Variants in KDM4C observed in about 807,000 individuals in gnomAD.
The protein encoded by KDM4C is lysine-specific demethylase 4C.
In KDM4C, 81 loss-of-function variants were observed where a neutral mutation model predicts 129.3. That is an observed-to-expected ratio of 0.63 (90% CI 0.52 to 0.75). The LOEUF is 0.75. Ranked by LOEUF, KDM4C falls within the 30% of genes least tolerant of loss-of-function variation. The pLI is 0.00. For missense variants in KDM4C, 1,457 were observed against 1,304.0 expected (o/e 1.12, Z -1.81); for synonymous variants, 573 against 456.1 (o/e 1.26, Z -3.26).
At chr9:6,761,601 T>C (rs537777657) in intron 1 of KDM4C, among the ~76,000 whole-genome samples, 24 of 152,308 alleles carry the variant, frequency 1.6e-4, no homozygotes, top group African/African-American at 5.5e-4. Context: ...ATGACAGGCG[T>C]GAGCCACTGC....
At chr9:7,019,697 TAA>T (rs746247641) in intron 15 of KDM4C, among the ~76,000 whole-genome samples, 11,885 of 128,234 alleles carry the variant, frequency 0.093, 1,151 homozygotes, top group East Asian at 0.18. Context: ...TATAAAAATA[TAA>T]TATTTTTATA....
At chr9:6,898,377 A>C (rs1037070163) in intron 8 of KDM4C, among the ~76,000 whole-genome samples, 9 of 152,098 alleles carry the variant, frequency 5.9e-5, no homozygotes, top group African/African-American at 2.2e-4. Context: ...TATTTATTAC[A>C]GTGTGTGCAG....
intron 8 of KDM4C, among the ~76,000 whole-genome samples, chr9:6,935,290 TATAATC>T (rs1376434167): frequency 2.0e-5 from 3 of 152,196 alleles, no homozygotes; most frequent in Admixed American, 2.0e-4. Context: ...ATTCTATAAT[TATAATC>T]ATATTATTTT....
intron 5 of KDM4C, among the ~76,000 whole-genome samples, chr9:6,864,280 C>A (rs1323790350): frequency 6.6e-6 from 1 of 152,122 alleles, no homozygotes; most frequent in African/African-American, 2.4e-5. Flanking sequence ...TTTCAGTATT[C>A]TTGGATGACA....
At chr9:7,035,228 G>C (rs1199202941) in intron 15 of KDM4C, among the ~76,000 whole-genome samples, 1 of 150,128 alleles carries the variant, frequency 6.7e-6, no homozygotes, top group Non-Finnish European at 1.5e-5. Context: ...TGCCCAGGCT[G>C]GTCTTGAACT....
intron 17 of KDM4C, among the ~76,000 whole-genome samples, chr9:7,101,626 G>T (rs1334041520): frequency 4.6e-5 from 7 of 152,178 alleles, no homozygotes; most frequent in Non-Finnish European, 8.8e-5. Context: ...CCCTCCTTAG[G>T]TTCCAAAGAT....
At chr9:6,793,853 T>TA (rs1827231047) in intron 2 of KDM4C, among the ~76,000 whole-genome samples, 1 of 152,130 alleles carries the variant, frequency 6.6e-6, no homozygotes, top group African/African-American at 2.4e-5. Context: ...TCTTTTTTTT[T>TA]ATATAACACT....
chr9:7,165,434 G>A, intron 20 of KDM4C, 77 bp downstream of exon 20: 1 of 1,498,276 alleles, frequency 6.7e-7, no homozygotes, highest in Non-Finnish European at 9.1e-7. Context: ...CAAGTGTGCT[G>A]CTGAACAATA....
intron 3 of KDM4C, among the ~76,000 whole-genome samples, chr9:6,807,024 G>T (rs923593870): frequency 6.6e-6 from 1 of 152,044 alleles, no homozygotes; most frequent in Admixed American, 6.5e-5. Context: ...TCAGTCTGCC[G>T]AATGCCTGCG....
At chr9:7,035,769 C>T (rs1025448802) in intron 15 of KDM4C, among the ~76,000 whole-genome samples, 5 of 152,136 alleles carry the variant, frequency 3.3e-5, no homozygotes, top group Admixed American at 1.3e-4. Flanking sequence ...GTGTTCATGG[C>T]ACCTTTGTCC....
intron 4 of KDM4C, among the ~76,000 whole-genome samples, chr9:6,847,038 A>G (rs564096872): frequency 9.7e-4 from 148 of 152,248 alleles, no homozygotes; most frequent in African/African-American, 3.4e-3. Context: ...TCTTCCCCTC[A>G]TACCATGGGT....
Position 7,087,320 on chromosome 9 carries a change from C to T in KDM4C, c.2425-16365C>T, listed in dbSNP as rs1385189693. Reference sequence around the variant, plus strand: ...AAATATAATTAAAATGACACAGAAACATGCCTTAACTCCAGCAGTCTGTAA... The same window carrying T: ...AAATATAATTAAAATGACACAGAAATATGCCTTAACTCCAGCAGTCTGTAA... On this transcript the variant is annotated intron_variant, in intron 17 of 21. Transcript: ENST00000381309. 7.9e-5 allele frequency among the ~76,000 whole-genome samples: 12 copies of T among 151,278 alleles called. No individual in the cohort carries two copies. In the East Asian group the frequency reaches 2.1e-3, roughly 27 times the overall value.
At chr9:7,040,756 T>A (rs1828451426) in intron 15 of KDM4C, among the ~76,000 whole-genome samples, 1 of 151,982 alleles carries the variant, frequency 6.6e-6, no homozygotes, top group Non-Finnish European at 1.5e-5. Context: ...ATGTCACTTG[T>A]AACTCATATA....
intron 15 of KDM4C, among the ~76,000 whole-genome samples, chr9:7,021,642 C>T (rs1010234747): frequency 6.6e-6 from 1 of 152,116 alleles, no homozygotes; most frequent in Admixed American, 6.5e-5. Context: ...CTTTGCTGTG[C>T]AGAAGCTTTT....
At chr9:6,759,415 G>C (rs554842206) in intron 1 of KDM4C, among the ~76,000 whole-genome samples, 2 of 152,228 alleles carry the variant, frequency 1.3e-5, no homozygotes, top group South Asian at 4.2e-4. Flanking sequence ...GAAGCAGTCG[G>C]CTCTGCTTTG....
intron 11 of KDM4C, among the ~76,000 whole-genome samples, chr9:6,987,385 A>G (rs1207656656): frequency 2.6e-5 from 4 of 152,228 alleles, no homozygotes; most frequent in Non-Finnish European, 5.9e-5. Context: ...CAGTATTAAT[A>G]TTCCATATTC....
chr9:6,813,534 C>T (rs751783671), intron 3 of KDM4C, among the ~76,000 whole-genome samples: 1 of 152,160 alleles, frequency 6.6e-6, no homozygotes, highest in Non-Finnish European at 1.5e-5. Context: ...ATTCTGTAGT[C>T]AATCTAAAAT....
intron 15 of KDM4C, among the ~76,000 whole-genome samples, chr9:7,025,557 C>G (rs563263064): frequency 1.2e-4 from 19 of 152,140 alleles, no homozygotes; most frequent in African/African-American, 4.1e-4. Flanking sequence ...ATGAGTCTTG[C>G]AAATATTATC....
At chr9:6,995,762 G>C (rs1175022) in intron 12 of KDM4C, among the ~76,000 whole-genome samples, 151,132 of 152,192 alleles carry the variant, frequency 0.99, 75,047 homozygotes, top group East Asian at 1. Context: ...AGCTCTGCCT[G>C]CTGGGTTCAC....
Sources: allele counts gnomAD v4.1 joint callset (sites outside exome capture counted in the v4.1 genomes callset), GRCh38; gene constraint gnomAD v4.1.1; transcripts MANE v1.5; gene names NCBI Gene and HGNC (gene_info 2026-07-23, HGNC 2026-07-21).